KIF21B: variants seen among roughly 807,000 people sequenced by gnomAD.
KIF21B encodes the protein kinesin-like protein KIF21B.
In KIF21B, 85 loss-of-function variants were observed where a neutral mutation model predicts 192.9. The observed-to-expected ratio is 0.44, with a 90% CI of 0.37 to 0.53. The LOEUF (loss-of-function observed/expected upper bound fraction) is 0.53, where lower values mean the gene tolerates loss of function less well. Ranked by LOEUF, KIF21B falls within the 20% of genes least tolerant of loss-of-function variation. The pLI, the probability that KIF21B is intolerant of heterozygous loss-of-function variation, is 0.00. For synonymous variants in KIF21B, 832 were observed against 884.6 expected (o/e 0.94, Z 1.05); for missense variants, 1,716 against 2,194.8 (o/e 0.78, Z 4.36).
chr1:200,981,826 G>A (rs1655951115), intron 28 of KIF21B, among the ~76,000 whole-genome samples: 1 of 152,194 alleles, frequency 6.6e-6, no homozygotes, highest in Non-Finnish European at 1.5e-5. Flanking sequence ...CATGATGCTA[G>A]GGGAGCGAGA....
chr1:201,010,266 G>A (rs1352694200), intron 1 of KIF21B, among the ~76,000 whole-genome samples: 2 of 152,176 alleles, frequency 1.3e-5, no homozygotes, highest in Admixed American at 1.3e-4. Flanking sequence ...GGGCTGACCA[G>A]GTCAAGTCCC....
rs1056452597 is a variant in KIF21B, at chr1:200,978,913, C to T, written c.4160+622G>A. On this transcript the variant is annotated intron_variant, in intron 30 of 34. Transcript: ENST00000461742. ...CTGTGTTGCCCAGGCTGGTCTTGAA[C>T]TCCTGGTCTCAAGTGATCCTCCTGC... is the stretch of plus-strand genomic sequence containing the variant. 3.3e-5 allele frequency among the ~76,000 whole-genome samples: 5 copies of T among 152,244 alleles called. 1 individual carries two copies. In the South Asian group the frequency reaches 8.3e-4, roughly 25 times the overall value.
At chr1:201,003,901 G>A (rs754167342) in intron 7 of KIF21B, 120 bp from the exon 8 acceptor site, 68 of 1,018,520 alleles carry the variant, frequency 6.7e-5, no homozygotes, top group Non-Finnish European at 8.4e-5. Context: ...CCCAAAGCAC[G>A]TGGGCATTCA....
chr1:200,992,461 C>T, intron 15 of KIF21B, 72 bp from the exon 16 acceptor site: 1 of 1,504,260 alleles, frequency 6.6e-7, no homozygotes, highest in Admixed American at 1.7e-5. Flanking sequence ...CAGGGAGGGG[C>T]CAGCTCTGAG....
Position 201,017,867 on chromosome 1 carries a change from A to C in KIF21B, c.41+5476T>G, listed in dbSNP as rs1225671309. On this transcript the variant is annotated intron_variant, in intron 1 of 34. Transcript: ENST00000461742. The surrounding 1 kb of genome is among the most constrained non-coding windows in gnomAD (Gnocchi z 4.1). ...CAGCATGACCTCCTTTCCACACCCC[A>C]GAGCAGCTGGAGGTGAAAGAGAAAG... Among the ~76,000 whole-genome samples, 1 of 152,240 alleles carries C rather than the reference A, an allele frequency of 6.6e-6. No homozygotes were observed. The highest frequency in any genetic ancestry group is 1.5e-5 in the Non-Finnish European group (1 of 68,042).
Position 200,975,403 on chromosome 1 carries a change from G to T in KIF21B, c.4614+96C>A. The T allele has an allele frequency of 2.7e-6, 3 of 1,129,980 alleles. No individual in the cohort carries two copies. Among genetic ancestry groups the T allele is most frequent in the Non-Finnish European group, 3.8e-6 (3 of 779,534 alleles). 70.0% of individuals were successfully genotyped at this position (1,129,980 alleles called of 1,614,324 possible). The stretch of plus-strand genomic sequence containing the variant: ...AGCTGTGAAAACCATCTGGCCTGGG[G>T]CCCGCGAGTCCAGGTCCCAGGGTCT... On this transcript the variant is annotated intron_variant, in intron 33 of 34. Transcript: ENST00000461742. The surrounding 1 kb of genome is among the most constrained non-coding windows in gnomAD (Gnocchi z 4.3).
chr1:200,990,460 G>A lies in KIF21B; in HGVS notation c.2835+116C>T. 6.7e-7 allele frequency: 1 copy of A among 1,486,884 alleles called. No homozygotes were observed. Among genetic ancestry groups the A allele is most frequent in the Non-Finnish European group, 9.2e-7 (1 of 1,092,292 alleles). The allele number at this position is 1,486,884 out of a possible 1,614,324, so 92.1% of individuals were successfully genotyped here. On this transcript the variant is annotated intron_variant, in intron 19 of 34. Transcript: ENST00000461742. This position sits in a 1 kb window ranked among gnomAD's most constrained non-coding sequence, Gnocchi z 5.4. Reference sequence around the variant, plus strand: ...CCCAGCACCTCTGGATTCCAGAGCAGGCAAAAGGAGCAGAGGGAAGTGGGG... The same window carrying A: ...CCCAGCACCTCTGGATTCCAGAGCAAGCAAAAGGAGCAGAGGGAAGTGGGG...
intron 1 of KIF21B, among the ~76,000 whole-genome samples, chr1:201,019,027 C>A (rs1019215043): frequency 2.0e-5 from 3 of 152,164 alleles, no homozygotes; most frequent in Non-Finnish European, 4.4e-5. Context: ...CTCCGCCTCC[C>A]AGGTTCAAGT....
In KIF21B at chr1:200,977,419, A is replaced by G. The variant is rs1306987518; in HGVS notation, c.4161-43T>C. On this transcript the variant is annotated intron_variant, in intron 30 of 34. Coordinates refer to ENST00000461742, the MANE Select transcript of KIF21B (RefSeq NM_001252102.2). ...GCAAGGCCAGAGGTCAAAACAATCC[A>G]TGTGCACAGTGCAGGAAACCAATAA... The G allele has an allele frequency of 1.9e-6, 3 of 1,601,270 alleles. No individual in the cohort carries two copies. In the African/African-American group the frequency reaches 4.0e-5, roughly 21 times the overall value.
intron 1 of KIF21B, among the ~76,000 whole-genome samples, chr1:201,021,629 G>A (rs1163703831): frequency 6.6e-6 from 1 of 152,176 alleles, no homozygotes; most frequent in Non-Finnish European, 1.5e-5. Flanking sequence ...ATCCCATGAG[G>A]CTCCCCGGGT....
rs1206990911 is a variant in KIF21B at position 200,971,601 on chromosome 1, G to A, written c.*1920C>T. 1 of 152,392 alleles carries A rather than the reference G, an allele frequency of 6.6e-6. No individual in the cohort carries two copies. Among genetic ancestry groups the A allele is most frequent in the East Asian group, 1.9e-4 (1 of 5,332 alleles). The allele number at this position is 152,392 out of a possible 1,614,324, so 9.4% of individuals were successfully genotyped here. On this transcript the variant is annotated 3_prime_UTR_variant, in exon 35 of 35. Transcript: ENST00000461742. Reference sequence around the variant, plus strand: ...TTGTGGCCACATCTTAGAGCTAAGGGGGTTGCCCGGCACCCCCGGGGTGGC... The same window carrying A: ...TTGTGGCCACATCTTAGAGCTAAGGAGGTTGCCCGGCACCCCCGGGGTGGC...
At chr1:200,978,013 C>T (rs962721679) in intron 30 of KIF21B, among the ~76,000 whole-genome samples, 1 of 150,516 alleles carries the variant, frequency 6.6e-6, no homozygotes, top group African/African-American at 2.4e-5. Flanking sequence ...GGATTACAGG[C>T]GTGAGCCACT....
chr1:201,008,840 C>G lies in KIF21B; in HGVS notation c.376G>C (p.Glu126Gln), dbSNP rs749783399. The G allele has an allele frequency of 6.2e-7, 1 of 1,609,306 alleles. No homozygotes were observed. The highest frequency in any genetic ancestry group is 8.5e-7 in the Non-Finnish European group (1 of 1,179,976). Reference sequence around the variant, plus strand: ...TGCTCCTGTGCCCGGCGCTTGCGCTCGGCAATGCCCCCAAAGAGGTGTGCG... The same window carrying G: ...TGCTCCTGTGCCCGGCGCTTGCGCTGGGCAATGCCCCCAAAGAGGTGTGCG... Reference protein sequence around the residue: ...AIAHLFGGIAERKRRAQEQGV... With the variant: ...AIAHLFGGIAQRKRRAQEQGV... Residue 126 changes from glutamate to glutamine, a missense_variant, in exon 3 of 35, where the codon GAG (glutamate) becomes CAG (glutamine). This residue lies in a region of KIF21B where 1,087 missense variants were observed against 1,316.6 expected (regional missense o/e 0.83). Coordinates refer to ENST00000461742, the MANE Select transcript of KIF21B (RefSeq NM_001252102.2).
chr1:201,014,110 C>T (rs904071637), intron 1 of KIF21B, among the ~76,000 whole-genome samples: 1 of 152,232 alleles, frequency 6.6e-6, no homozygotes, highest in African/African-American at 2.4e-5. Flanking sequence ...AGAAAGGGCC[C>T]GGAGCTTTTC....
At position 201,003,633 on chromosome 1, in the gene KIF21B, G is replaced by T; in HGVS notation, c.1165C>A (p.Arg389=). 1 of 1,614,182 alleles carries T rather than the reference G, an allele frequency of 6.2e-7. No homozygotes were observed. The highest frequency in any genetic ancestry group is 8.5e-7 in the Non-Finnish European group (1 of 1,180,044). Residue 389 remains arginine, a synonymous_variant, in exon 8 of 35, where the codon CGG becomes AGG. Transcript: ENST00000461742. The stretch of plus-strand genomic sequence containing the variant: ...ATCTGCAGCCGAGCAATCTCAGCCC[G>T]CAGTGCACTGATTTGCTGGCTGGTC... ...DKTSQQISAL[R]AEIARLQMEL... is the part of the protein sequence containing the mutation.
chr1:200,973,495 C>T lies in KIF21B; in HGVS notation c.*26G>A. 7.0e-7 allele frequency: 1 copy of T among 1,437,230 alleles called. No homozygotes were observed. Among genetic ancestry groups the T allele is most frequent in the Non-Finnish European group, 9.0e-7 (1 of 1,105,016 alleles). The allele number at this position is 1,437,230 out of a possible 1,614,324, so 89.0% of individuals were successfully genotyped here. ...TGTCCAGGCTGCTGGGGTCGAGGGTCCGGGGGCATCCCTCTGACCTCACTC... is the reference window on the plus strand; with the variant it reads ...TGTCCAGGCTGCTGGGGTCGAGGGTTCGGGGGCATCCCTCTGACCTCACTC... On this transcript the variant is annotated 3_prime_UTR_variant, in exon 35 of 35. Transcript: ENST00000461742.
At chr1:201,006,410 C>A (rs866352877) in intron 3 of KIF21B, among the ~76,000 whole-genome samples, 1 of 152,168 alleles carries the variant, frequency 6.6e-6, no homozygotes, top group African/African-American at 2.4e-5. Context: ...GGAACTAGGG[C>A]TGGGGAGTGG....
In KIF21B at chr1:200,991,103, G is replaced by T. The variant is rs1656664824; in HGVS notation, c.2501C>A (p.Ala834Glu). Residue 834 changes from alanine (A) to glutamate (E), a missense_variant, in exon 18 of 35, where the codon GCA (alanine) becomes GAA (glutamate). Physicochemically the swap from Ala to Glu is moderately radical, Grantham distance 107. Around this residue, in one of 3 missense-constraint regions of KIF21B, gnomAD observed 1,087 missense variants for 1,316.6 expected, o/e 0.83. Coordinates refer to ENST00000461742, the MANE Select transcript of KIF21B (RefSeq NM_001252102.2). ...GGGTGGCTTTAGTCCTGCACGCCCT[G>T]CCACCCGCTCAGACATGGGCTTGGC... Reference protein sequence around the residue: ...RLAKPMSERVAGRAGLKPPML... With the variant: ...RLAKPMSERVEGRAGLKPPML... The T allele has an allele frequency of 6.2e-7, 1 of 1,613,782 alleles. No homozygotes were observed. Among genetic ancestry groups the T allele is most frequent in the African/African-American group, 1.3e-5 (1 of 74,946 alleles).
chr1:200,986,411 G>T (rs570429709), intron 26 of KIF21B, among the ~76,000 whole-genome samples: 3 of 149,212 alleles, frequency 2.0e-5, no homozygotes, highest in Non-Finnish European at 4.4e-5. Flanking sequence ...AGGCTGCAGC[G>T]TAGTGGCACG....
Sources: gnomAD v4.1 joint callset for allele counts (sites outside exome capture counted in the v4.1 genomes callset) on GRCh38, gnomAD v4.1.1 for gene constraint, gnomAD v4.1.1 regional missense constraint, Gnocchi (gnomAD v3.1) non-coding constraint, MANE v1.5 for transcripts, NCBI Gene and HGNC (gene_info 2026-07-23, HGNC 2026-07-21) for gene names.